The following VAT1L variants were observed in gnomAD, a reference collection of about 807,000 sequenced individuals.
VAT1L encodes the protein vesicle amine transport 1 like.
A neutral mutation model predicts 44.1 loss-of-function variants in VAT1L; 34 were observed. The observed-to-expected ratio is 0.77, with a 90% confidence interval of 0.59 to 1.03. The LOEUF (loss-of-function observed/expected upper bound fraction) is 1.03, where lower values mean the gene tolerates loss of function less well. Among genes scored for constraint, VAT1L ranks in the 50% least tolerant of loss-of-function variants. The pLI, the probability that VAT1L is intolerant of heterozygous loss-of-function variation, is 0.00. For synonymous variants in VAT1L, 253 were observed against 202.2 expected (o/e 1.25, Z -2.13); for missense variants, 615 against 538.8 (o/e 1.14, Z -1.40).
intron 4 of VAT1L, among the ~76,000 whole-genome samples, chr16:77,871,492 G>A (rs2017032480): frequency 6.6e-6 from 1 of 152,094 alleles, no homozygotes; most frequent in Admixed American, 6.5e-5. Context: ...AGTGGTGGTC[G>A]CCTCAGGGTT....
chr16:77,829,273 C>T (rs1040398959), intron 3 of VAT1L, among the ~76,000 whole-genome samples: 8 of 152,070 alleles, frequency 5.3e-5, no homozygotes, highest in Non-Finnish European at 8.8e-5. Flanking sequence ...AACTTGGTGT[C>T]GATGAGATGA....
At chr16:77,910,637 G>A (rs1306846193) in intron 7 of VAT1L, among the ~76,000 whole-genome samples, 6 of 135,704 alleles carry the variant, frequency 4.4e-5, no homozygotes, top group African/African-American at 1.4e-4. Context: ...TCGCTCCACT[G>A]CACTCCAGCC....
At chr16:77,968,935 C>A (rs1295956078) in intron 7 of VAT1L, among the ~76,000 whole-genome samples, 1 of 152,088 alleles carries the variant, frequency 6.6e-6, no homozygotes, top group Non-Finnish European at 1.5e-5. Context: ...TCTCCTGCCT[C>A]AGCCTCCCAA....
intron 8 of VAT1L, among the ~76,000 whole-genome samples, chr16:77,974,536 A>G (rs1351556444): frequency 6.6e-6 from 1 of 152,124 alleles, no homozygotes; most frequent in African/African-American, 2.4e-5. Flanking sequence ...TGCCACACAC[A>G]ATGTCATTGT....
chr16:77,807,545 C>T (rs1567470928), intron 1 of VAT1L, among the ~76,000 whole-genome samples: 1 of 152,178 alleles, frequency 6.6e-6, no homozygotes. Flanking sequence ...CCCAGTCCAG[C>T]TTCCCTCCTG....
intron 3 of VAT1L, among the ~76,000 whole-genome samples, chr16:77,832,622 G>A (rs536610086): frequency 6.6e-6 from 1 of 152,296 alleles, no homozygotes; most frequent in Non-Finnish European, 1.5e-5. Flanking sequence ...CATAGACCTT[G>A]GAAAGGAAAG....
chr16:77,956,651 G>A (rs75338462), intron 7 of VAT1L, among the ~76,000 whole-genome samples: 1,719 of 152,260 alleles, frequency 0.011, 43 homozygotes, highest in African/African-American at 0.039. Context: ...TACATTCTTA[G>A]GTTCAGAGCC....
chr16:77,882,289 A>C (rs1347011274), intron 6 of VAT1L: 1 of 152,234 alleles, frequency 6.6e-6, no homozygotes, highest in Non-Finnish European at 1.5e-5. Flanking sequence ...GCATCTTAAA[A>C]TCGCTGCAGT....
intron 7 of VAT1L, among the ~76,000 whole-genome samples, chr16:77,958,459 G>A (rs567802429): frequency 2.0e-5 from 3 of 152,188 alleles, no homozygotes; most frequent in South Asian, 2.1e-4. Context: ...TCTTCCCCAG[G>A]TCTCACTCCC....
intron 7 of VAT1L, among the ~76,000 whole-genome samples, chr16:77,910,608 A>C (rs1204520560): frequency 7.0e-6 from 1 of 143,004 alleles, no homozygotes; most frequent in Non-Finnish European, 1.5e-5. Flanking sequence ...CGGGAGGTGG[A>C]GCTTGCATTG....
At chr16:77,877,350 A>T (rs1172680189) in intron 5 of VAT1L, among the ~76,000 whole-genome samples, 1 of 151,928 alleles carries the variant, frequency 6.6e-6, no homozygotes, top group Non-Finnish European at 1.5e-5. Flanking sequence ...CTCTACTAAA[A>T]ATACAAAAAA....
chr16:77,816,719 T>C (rs2016361613), intron 1 of VAT1L, among the ~76,000 whole-genome samples: 1 of 152,004 alleles, frequency 6.6e-6, no homozygotes, highest in African/African-American at 2.4e-5. Flanking sequence ...ATAGAGATAA[T>C]TGAATTTTGC....
chr16:77,872,487 G>T (rs537913383), intron 4 of VAT1L, among the ~76,000 whole-genome samples: 1 of 152,288 alleles, frequency 6.6e-6, no homozygotes, highest in East Asian at 1.9e-4. Context: ...AGCCCATAAT[G>T]CAAGGTGAAG....
intron 7 of VAT1L, among the ~76,000 whole-genome samples, chr16:77,939,400 T>C (rs764319554): frequency 1.5e-4 from 23 of 151,316 alleles, no homozygotes; most frequent in Admixed American, 2.0e-4. Flanking sequence ...GCGGGCGGGG[T>C]GGGGACGGTG....
rs575593799 is a variant in VAT1L, at chr16:77,846,535, T to A, written c.580-16213T>A. Among the ~76,000 whole-genome samples, 7 of 152,274 alleles carry A rather than the reference T, an allele frequency of 4.6e-5. No homozygotes were observed. In the East Asian group the frequency reaches 9.6e-4, roughly 21 times the overall value. On this transcript the variant is annotated intron_variant, in intron 3 of 8. Coordinates refer to ENST00000302536, the MANE Select transcript of VAT1L (RefSeq NM_020927.3). Reference sequence around the variant, plus strand: ...CAGCCAGCCAGTCTCTATGCAAACATTGAGCATCAGCAGTTCTTCCAGCAA... The same window carrying A: ...CAGCCAGCCAGTCTCTATGCAAACAATGAGCATCAGCAGTTCTTCCAGCAA...
chr16:77,919,074 A>C (rs1388255082), intron 7 of VAT1L, among the ~76,000 whole-genome samples: 3 of 152,182 alleles, frequency 2.0e-5, no homozygotes, highest in Non-Finnish European at 2.9e-5. Context: ...AGTGCATTGA[A>C]TCCAACTAGG....
chr16:77,933,021 A>G (rs896545892), intron 7 of VAT1L, among the ~76,000 whole-genome samples: 3 of 152,200 alleles, frequency 2.0e-5, no homozygotes, highest in Non-Finnish European at 4.4e-5. Flanking sequence ...CCTGACTCCA[A>G]GGAGGCTGGG....
intron 4 of VAT1L, among the ~76,000 whole-genome samples, chr16:77,864,025 G>C (rs1320427106): frequency 6.6e-6 from 1 of 152,168 alleles, no homozygotes; most frequent in Non-Finnish European, 1.5e-5. Flanking sequence ...GGGAATGATG[G>C]TTTATAACCT....
intron 3 of VAT1L, among the ~76,000 whole-genome samples, chr16:77,851,354 G>A (rs2016806760): frequency 3.3e-5 from 5 of 152,186 alleles, no homozygotes; most frequent in Admixed American, 3.3e-4. Flanking sequence ...TTTAGAGTAA[G>A]AAGAGCAGAG....
Sources: allele counts gnomAD v4.1 joint callset (sites outside exome capture counted in the v4.1 genomes callset), GRCh38; gene constraint gnomAD v4.1.1; transcripts MANE v1.5; gene names NCBI Gene and HGNC (gene_info 2026-07-23, HGNC 2026-07-21).